The following TPST2 variants were observed in gnomAD, a reference collection of about 807,000 sequenced individuals.
TPST2 encodes protein-tyrosine sulfotransferase 2.
Under a neutral mutation model 27.8 loss-of-function variants are expected in TPST2, and 16 were observed. The ratio of observed to expected loss-of-function variants is 0.58; its 90% CI spans 0.39 to 0.88. TPST2 has a LOEUF of 0.88. TPST2 is among the 40% of genes least tolerant of loss of function. TPST2 has a pLI of 0.00. For synonymous variants in TPST2, 229 were observed against 231.7 expected, an observed-to-expected ratio of 0.99 and a Z score of 0.10; for missense variants, 464 against 543.1, an observed-to-expected ratio of 0.85 and a Z score of 1.45.
intron 2 of TPST2, among the ~76,000 whole-genome samples, chr22:26,542,776 GACTGGGGA>G (rs1310826862): frequency 6.6e-6 from 1 of 152,194 alleles, no homozygotes; most frequent in African/African-American, 2.4e-5. Flanking sequence ...GATGCAGCAC[GACTGGGGA>G]ACTGCAAGTG....
intron 3 of TPST2, among the ~76,000 whole-genome samples, chr22:26,536,697 C>T (rs887936620): frequency 2.6e-5 from 4 of 152,176 alleles, no homozygotes; most frequent in African/African-American, 9.7e-5. Context: ...AGTGAGAAGT[C>T]AGAAGAAAGT....
chr22:26,580,309 G>C (rs1164655024), intron 1 of TPST2, among the ~76,000 whole-genome samples: 1 of 152,152 alleles, frequency 6.6e-6, no homozygotes, highest in Non-Finnish European at 1.5e-5. Context: ...GCAGCAGCCT[G>C]GAACAGGAAC....
At chr22:26,581,797 G>A (rs1238508624) in intron 1 of TPST2, among the ~76,000 whole-genome samples, 2 of 152,086 alleles carry the variant, frequency 1.3e-5, no homozygotes, top group Non-Finnish European at 1.5e-5. Flanking sequence ...TAACTTGTAG[G>A]GACTCAAAAG....
chr22:26,577,408 T>C (rs1247337397), intron 1 of TPST2, among the ~76,000 whole-genome samples: 3 of 151,770 alleles, frequency 2.0e-5, no homozygotes, highest in Admixed American at 6.6e-5. Context: ...GTAGTGGCAC[T>C]ATCTTGGCTC....
chr22:26,535,362 T>C (rs975135939), intron 4 of TPST2, among the ~76,000 whole-genome samples: 5 of 152,200 alleles, frequency 3.3e-5, no homozygotes, highest in Non-Finnish European at 5.9e-5. Flanking sequence ...AATATTTGCC[T>C]ATAAGGAAGT....
intron 1 of TPST2, among the ~76,000 whole-genome samples, chr22:26,569,219 G>A (rs139473533): frequency 2.6e-5 from 4 of 152,216 alleles, no homozygotes; most frequent in East Asian, 1.9e-4. Flanking sequence ...GGTCTGGATC[G>A]GGACCCCGTT....
intron 4 of TPST2, chr22:26,535,940 C>T: frequency 1.0e-5 from 4 of 392,556 alleles, no homozygotes; most frequent in Non-Finnish European, 9.9e-6. Flanking sequence ...TACCCCCTCT[C>T]AACAAAGACT....
At chr22:26,584,295 A>T (rs1228787980) in intron 1 of TPST2, among the ~76,000 whole-genome samples, 2 of 152,132 alleles carry the variant, frequency 1.3e-5, no homozygotes, top group Non-Finnish European at 2.9e-5. Flanking sequence ...GGAGGAACAG[A>T]GCGAGTAGGG....
intron 1 of TPST2, among the ~76,000 whole-genome samples, chr22:26,554,423 C>T (rs998747737): frequency 1.3e-5 from 2 of 152,192 alleles, no homozygotes; most frequent in Admixed American, 1.3e-4. Context: ...GGGACCAGTG[C>T]TTCCTGAGCC....
chr22:26,541,617 A>G lies in TPST2; in HGVS notation c.14T>C (p.Val5Ala), dbSNP rs779962554. 6.3e-7 allele frequency: 1 copy of G among 1,581,074 alleles called. No individual in the cohort carries two copies. Among genetic ancestry groups the G allele is most frequent in the Non-Finnish European group, 8.6e-7 (1 of 1,168,298 alleles). MRLSVRRVLLAAGCA... is the reference protein window; with the variant it reads MRLSARRVLLAAGCA... ...GCCGGCTGCCAGCAGCACCCTCCGC[A>G]CCGACAGGCGCATGCTGGGCCGGAG... The change falls in exon 3 of 7, where the codon GTG (valine) becomes GCG (alanine). Residue 5 changes from valine to alanine, a missense_variant. Physicochemically the swap from Val to Ala is moderately conservative, Grantham distance 64. Coordinates refer to ENST00000338754, the MANE Select transcript of TPST2 (RefSeq NM_003595.5). This position sits in a 1 kb window ranked among gnomAD's most constrained non-coding sequence, Gnocchi z 5.9.
Position 26,541,536 on chromosome 22 carries a change from C to T in TPST2, c.95G>A (p.Arg32Gln), listed in dbSNP as rs556389638. The change falls in exon 3 of 7, where the codon CGG (arginine) becomes CAG (glutamine). Residue 32 changes from arginine to glutamine, a missense_variant. Arg to Gln is a conservative substitution (Grantham distance 43). Coordinates refer to ENST00000338754, the MANE Select transcript of TPST2 (RefSeq NM_003595.5). This position sits in a 1 kb window ranked among gnomAD's most constrained non-coding sequence, Gnocchi z 5.9. Reference protein sequence around the residue: ...VQLGQQVLECRAVLAGLRSPR... With the variant: ...VQLGQQVLECQAVLAGLRSPR... Reference sequence around the variant, plus strand: ...GCTCCGCAGGCCCGCCAGCACCGCCCGGCACTCTAGCACCTGCTGTCCCAG... The same window carrying T: ...GCTCCGCAGGCCCGCCAGCACCGCCTGGCACTCTAGCACCTGCTGTCCCAG... 2.9e-5 allele frequency: 47 copies of T among 1,611,644 alleles called. No homozygotes were observed. The highest frequency in any genetic ancestry group is 6.7e-5 in the Admixed American group (4 of 59,940).
intron 1 of TPST2, among the ~76,000 whole-genome samples, chr22:26,587,058 A>C (rs996345079): frequency 6.6e-6 from 1 of 152,220 alleles, no homozygotes; most frequent in African/African-American, 2.4e-5. Flanking sequence ...GTGGCCACCC[A>C]GAGAAGTCAC....
chr22:26,560,488 C>G (rs377741028), intron 1 of TPST2: 79 of 782,176 alleles, frequency 1.0e-4, no homozygotes, highest in East Asian at 4.1e-4. Context: ...CGGACGGGCA[C>G]TGGGCGACTG....
At chr22:26,543,538 C>A (rs1200830036) in intron 2 of TPST2, among the ~76,000 whole-genome samples, 1 of 152,094 alleles carries the variant, frequency 6.6e-6, no homozygotes, top group Non-Finnish European at 1.5e-5. Context: ...AACTCCTGAC[C>A]TAAGGTGATC....
At chr22:26,543,183 T>C (rs748427171) in intron 2 of TPST2, 1 of 152,188 alleles carries the variant, frequency 6.6e-6, no homozygotes, top group African/African-American at 2.4e-5. Flanking sequence ...CACCGGCCTC[T>C]CTGTGCATTG....
At chr22:26,543,470 T>C (rs1006225614) in intron 2 of TPST2, among the ~76,000 whole-genome samples, 2 of 152,096 alleles carry the variant, frequency 1.3e-5, no homozygotes, top group African/African-American at 4.8e-5. Flanking sequence ...CCTTGGCTGA[T>C]TTTTTTGTGT....
intron 1 of TPST2, among the ~76,000 whole-genome samples, chr22:26,545,701 T>TA (rs1328838714): frequency 6.6e-6 from 1 of 152,202 alleles, no homozygotes; most frequent in Admixed American, 6.5e-5. Flanking sequence ...TCCTTGAGTA[T>TA]ACATATCACT....
At chr22:26,562,352 C>T (rs9608505) in intron 1 of TPST2, among the ~76,000 whole-genome samples, 59,162 of 152,018 alleles carry the variant, frequency 0.39, 11,775 homozygotes, top group East Asian at 0.52. Flanking sequence ...GCACCCCCAC[C>T]ATGAGCCAGA....
In TPST2 at chr22:26,552,610, G is replaced by A. The variant is rs181832811; in HGVS notation, c.-160-7935C>T. On this transcript the variant is annotated intron_variant, in intron 1 of 6. Coordinates refer to ENST00000338754, the MANE Select transcript of TPST2 (RefSeq NM_003595.5). ...GTTTTTGGCTCTGTGGGCCACAAGAGCTCCACTGCGAGTTTGCAACTGTAA... is the reference window on the plus strand; with the variant it reads ...GTTTTTGGCTCTGTGGGCCACAAGAACTCCACTGCGAGTTTGCAACTGTAA... Among the ~76,000 whole-genome samples, 72 of 152,276 alleles carry A rather than the reference G, an allele frequency of 4.7e-4. 2 individuals are homozygous for A. The highest frequency in any genetic ancestry group is 3.4e-3 in the Middle Eastern group (1 of 294).
Sources: gnomAD v4.1 joint callset for allele counts (sites outside exome capture counted in the v4.1 genomes callset) on GRCh38, gnomAD v4.1.1 for gene constraint, Gnocchi (gnomAD v3.1) non-coding constraint, MANE v1.5 for transcripts, NCBI Gene and HGNC (gene_info 2026-07-23, HGNC 2026-07-21) for gene names.